The following SAMSN1 variants were observed in gnomAD, a reference collection of about 807,000 sequenced individuals.
SAMSN1 encodes SAM domain-containing protein SAMSN-1.
Under a neutral mutation model 42.0 loss-of-function variants are expected in SAMSN1, and 31 were observed. The ratio of observed to expected loss-of-function variants is 0.74; its 90% CI spans 0.55 to 1.00. SAMSN1 has a LOEUF of 1.00. Ranked by LOEUF, SAMSN1 falls within the 50% of genes least tolerant of loss-of-function variation. The pLI, the probability that SAMSN1 is intolerant of heterozygous loss-of-function variation, is 0.00. For missense variants in SAMSN1, 464 were observed against 439.4 expected, an observed-to-expected ratio of 1.06 and a Z score of -0.50; for synonymous variants, 178 against 151.9, an observed-to-expected ratio of 1.17 and a Z score of -1.26.
intron 3 of SAMSN1, among the ~76,000 whole-genome samples, chr21:14,514,746 C>T (rs950814307): frequency 2.6e-5 from 4 of 151,950 alleles, no homozygotes; most frequent in Admixed American, 1.3e-4. Flanking sequence ...GATGAGAAAA[C>T]CATTTTTTTT....
At chr21:14,642,235 C>A (rs1314873740) in intron 2 of SAMSN1, among the ~76,000 whole-genome samples, 1 of 152,122 alleles carries the variant, frequency 6.6e-6, no homozygotes, top group Non-Finnish European at 1.5e-5. Context: ...AGATCAATTG[C>A]ACAAGAGTTA....
Position 14,540,718 on chromosome 21 carries a change from T to A in SAMSN1, c.57+5487A>T, listed in dbSNP as rs1200678092. Among the ~76,000 whole-genome samples the A allele has an allele frequency of 2.0e-5, 3 of 152,318 alleles. 1 individual carries two copies. Among genetic ancestry groups the A allele is most frequent in the South Asian group, 4.1e-4 (2 of 4,826 alleles). ...AACTAGTTCAACCATTGTGGAAGAC[T>A]ATGTGGCGATTCCTCAAGGATCTAG... is the stretch of plus-strand genomic sequence containing the variant. On this transcript the variant is annotated intron_variant, in intron 1 of 7. Transcript: ENST00000400566.
chr21:14,637,288 C>T (rs1198391075), intron 2 of SAMSN1, among the ~76,000 whole-genome samples: 1 of 152,118 alleles, frequency 6.6e-6, no homozygotes, highest in Non-Finnish European at 1.5e-5. Context: ...ATAAAATACA[C>T]ATCAGATTTC....
chr21:14,505,626 G>A (rs1987365233), intron 5 of SAMSN1, among the ~76,000 whole-genome samples: 2 of 152,022 alleles, frequency 1.3e-5, no homozygotes, highest in Non-Finnish European at 2.9e-5. Context: ...TAAGAAATGA[G>A]ATAGACAGCA....
chr21:14,524,356 GTTA>G (rs1279537559), intron 1 of SAMSN1, among the ~76,000 whole-genome samples: 5 of 146,500 alleles, frequency 3.4e-5, no homozygotes, highest in African/African-American at 7.3e-5. Flanking sequence ...TCAAGACAGA[GTTA>G]TTATATAAAT....
chr21:14,588,574 G>A (rs901672551), intron 7 of SAMSN1, among the ~76,000 whole-genome samples: 10 of 149,708 alleles, frequency 6.7e-5, no homozygotes, highest in Non-Finnish European at 1.3e-4. Flanking sequence ...CATGTCCTTT[G>A]CCCACTAAGC....
chr21:14,556,239 A>G (rs1980758092), intron 2 of SAMSN1, among the ~76,000 whole-genome samples: 1 of 152,158 alleles, frequency 6.6e-6, no homozygotes, highest in South Asian at 2.1e-4. Flanking sequence ...TTGTAAAGCT[A>G]TAGGAGAGGG....
At chr21:14,538,787 A>C (rs879503095) in intron 1 of SAMSN1, among the ~76,000 whole-genome samples, 7 of 152,194 alleles carry the variant, frequency 4.6e-5, no homozygotes, top group Admixed American at 2.6e-4. Context: ...AGTCATTGCT[A>C]GTGAAAATTA....
intron 2 of SAMSN1, among the ~76,000 whole-genome samples, chr21:14,577,261 TATATATATATATATATATATATA>T (rs367936479): frequency 0.048 from 2,315 of 48,048 alleles, 240 homozygotes; most frequent in South Asian, 0.074. Flanking sequence ...TATATATATA[TATATATATATATATATATATATA>T]TTTTTTTTTT....
chr21:14,628,472 A>G (rs1474213817), intron 2 of SAMSN1, among the ~76,000 whole-genome samples: 4 of 152,210 alleles, frequency 2.6e-5, no homozygotes, highest in Non-Finnish European at 4.4e-5. Context: ...AAGTTCATAG[A>G]CTAATTTTTC....
At chr21:14,621,331 C>A (rs186388160) in intron 2 of SAMSN1, among the ~76,000 whole-genome samples, 1 of 152,106 alleles carries the variant, frequency 6.6e-6, no homozygotes. Flanking sequence ...GAGTGTGAGC[C>A]GAAGCAGGAC....
intron 4 of SAMSN1, chr21:14,612,835 A>C: frequency 1.4e-6 from 1 of 690,854 alleles, no homozygotes; most frequent in South Asian, 1.6e-5. Flanking sequence ...GTGGGGAGAC[A>C]GAATACATCG....
intron 5 of SAMSN1, among the ~76,000 whole-genome samples, chr21:14,603,416 G>C (rs1378367203): frequency 6.6e-6 from 1 of 152,200 alleles, no homozygotes; most frequent in Admixed American, 6.5e-5. Flanking sequence ...ACTATGGAGA[G>C]AGACCACTAT....
At chr21:14,658,076 A>AT (rs1465155326) in intron 1 of SAMSN1, among the ~76,000 whole-genome samples, 1 of 151,872 alleles carries the variant, frequency 6.6e-6, no homozygotes. Context: ...TTTGAAATCC[A>AT]TTTTTAAGCA....
At chr21:14,528,801 T>C (rs1979048489) in intron 1 of SAMSN1, among the ~76,000 whole-genome samples, 1 of 152,216 alleles carries the variant, frequency 6.6e-6, no homozygotes, top group African/African-American at 2.4e-5. Context: ...TCTCATCATC[T>C]CATTCTTCTT....
intron 5 of SAMSN1, among the ~76,000 whole-genome samples, chr21:14,506,623 A>T (rs1407793898): frequency 6.6e-6 from 1 of 152,224 alleles, no homozygotes; most frequent in Non-Finnish European, 1.5e-5. Context: ...TTCGAAGAAG[A>T]ATTGGTACCA....
intron 2 of SAMSN1, among the ~76,000 whole-genome samples, chr21:14,617,109 T>C (rs1049020253): frequency 1.3e-5 from 2 of 152,138 alleles, no homozygotes; most frequent in Non-Finnish European, 2.9e-5. Context: ...TATTACCAAG[T>C]TTGAAATACT....
upstream of SAMSN1, among the ~76,000 whole-genome samples, chr21:14,584,960 A>G (rs753208262): frequency 3.9e-5 from 6 of 152,224 alleles, no homozygotes; most frequent in African/African-American, 7.2e-5. Flanking sequence ...CACAACCAGT[A>G]TAAACTTGTT....
At chr21:14,495,223 G>A (rs760486913) in intron 7 of SAMSN1, among the ~76,000 whole-genome samples, 5 of 152,176 alleles carry the variant, frequency 3.3e-5, no homozygotes, top group Non-Finnish European at 5.9e-5. Context: ...ATCATTCAAG[G>A]TACAGGAAGG....
Sources: allele counts gnomAD v4.1 joint callset (sites outside exome capture counted in the v4.1 genomes callset), GRCh38; gene constraint gnomAD v4.1.1; transcripts MANE v1.5; gene names NCBI Gene and HGNC (gene_info 2026-07-23, HGNC 2026-07-21).